The following TENM1 variants were observed in gnomAD, a reference collection of about 807,000 sequenced individuals.
TENM1 encodes the protein teneurin-1.
TENM1 carries 35 observed loss-of-function variants against 174.8 expected under a neutral mutation model. That is an observed-to-expected ratio of 0.20 (90% CI 0.15 to 0.27). TENM1 has a LOEUF of 0.27. TENM1 is among the 10% of genes least tolerant of loss of function. The pLI, the probability that TENM1 is intolerant of heterozygous loss-of-function variation, is 1.00. For missense variants in TENM1, 1,633 were observed against 2,130.1 expected, an observed-to-expected ratio of 0.77 and a Z score of 4.59; for synonymous variants, 781 against 798.7, an observed-to-expected ratio of 0.98 and a Z score of 0.37.
intron 1 of TENM1, among the ~76,000 whole-genome samples, chrX:124,899,080 T>A (rs1490124239): frequency 8.9e-6 from 1 of 111,764 alleles, no homozygotes; most frequent in African/African-American, 3.3e-5. Context: ...ATGTCACCAT[T>A]GTAAAATATT....
chrX:124,809,879 A>AGAGAGAGAGAG (rs397763324), intron 3 of TENM1, among the ~76,000 whole-genome samples: 18 of 105,528 alleles, frequency 1.7e-4, no homozygotes, highest in African/African-American at 2.1e-4. Context: ...AGAGAGAGAG[A>AGAGAGAGAGAG]AGCAGGAAGC....
At chrX:124,815,781 T>C (rs2055882840) in intron 3 of TENM1, among the ~76,000 whole-genome samples, 1 of 111,343 alleles carries the variant, frequency 9.0e-6, no homozygotes, top group Non-Finnish European at 1.9e-5. Context: ...AACAGAATTA[T>C]TGAATGAAAC....
At chrX:124,849,927 A>C (rs1297346315) in intron 3 of TENM1, among the ~76,000 whole-genome samples, 1 of 111,595 alleles carries the variant, frequency 9.0e-6, no homozygotes, top group African/African-American at 3.3e-5. Flanking sequence ...GAACTCTATA[A>C]ATCACTTTCT....
At chrX:125,165,029 G>A in the TENM1 span, among the ~76,000 whole-genome samples, 1 of 111,985 alleles carries the variant, frequency 8.9e-6, no homozygotes, top group Non-Finnish European at 1.9e-5. Context: ...ATAAAAAGCT[G>A]TCAGTGACAC....
intron 18 of TENM1, among the ~76,000 whole-genome samples, chrX:124,508,920 C>T (rs1280383341): frequency 5.4e-5 from 6 of 111,575 alleles, no homozygotes; most frequent in East Asian, 2.8e-4. Context: ...TTTCTTTGTT[C>T]GGTCATTCAA....
At chrX:125,093,963 T>A in the TENM1 span, among the ~76,000 whole-genome samples, 1 of 112,089 alleles carries the variant, frequency 8.9e-6, no homozygotes, top group Non-Finnish European at 1.9e-5. Context: ...GCACTCATTG[T>A]GAAGCACCTT....
intron 4 of TENM1, among the ~76,000 whole-genome samples, chrX:124,735,331 CAACA>C (rs1363898594): frequency 1.8e-5 from 2 of 111,733 alleles, no homozygotes; most frequent in Admixed American, 1.9e-4. Flanking sequence ...TATAAGTGGT[CAACA>C]AACAGATGAA....
chrX:125,171,367 C>A, the TENM1 span, among the ~76,000 whole-genome samples: 1 of 110,528 alleles, frequency 9.0e-6, no homozygotes, highest in East Asian at 2.8e-4. Flanking sequence ...AAGTATTTTT[C>A]ATTGTAATAT....
chrX:125,135,117 G>GA, the TENM1 span, among the ~76,000 whole-genome samples: 1 of 111,412 alleles, frequency 9.0e-6, no homozygotes, highest in East Asian at 2.8e-4. Context: ...AAAGATCAAG[G>GA]AAAAAAATGG....
At chrX:124,711,670 T>TA (rs977718648) in intron 4 of TENM1, among the ~76,000 whole-genome samples, 6 of 111,703 alleles carry the variant, frequency 5.4e-5, no homozygotes, top group African/African-American at 1.9e-4. Context: ...GGTATTTTTT[T>TA]AAAAAAACAA....
intron 3 of TENM1, among the ~76,000 whole-genome samples, chrX:124,821,885 T>C (rs2056045503): frequency 8.9e-6 from 1 of 112,289 alleles, no homozygotes; most frequent in African/African-American, 3.2e-5. Flanking sequence ...GAAAATTCAC[T>C]GTTTGGGGAG....
At chrX:124,868,132 C>T (rs2057041419) in intron 3 of TENM1, among the ~76,000 whole-genome samples, 1 of 111,644 alleles carries the variant, frequency 9.0e-6, no homozygotes, top group Admixed American at 9.5e-5. Flanking sequence ...AAAAAAAATC[C>T]TAAAATTTAT....
Position 124,594,884 on chromosome X carries a change from A to G in TENM1, c.2078-29324T>C, listed in dbSNP as rs148285296. On this transcript the variant is annotated intron_variant, in intron 11 of 31. Coordinates refer to ENST00000422452, the Ensembl canonical transcript of TENM1. ...ATAGAATCACTGGTTTGAAAGGCCTAGAATGTCAGGATAGTTAATTCTTTT... is the reference window on the plus strand; with the variant it reads ...ATAGAATCACTGGTTTGAAAGGCCTGGAATGTCAGGATAGTTAATTCTTTT... 1.3e-4 allele frequency among the ~76,000 whole-genome samples: 15 copies of G among 112,282 alleles called. No individual in the cohort carries two copies. The East Asian group carries it at 3.9e-3, about 29-fold the overall frequency.
intron 3 of TENM1, among the ~76,000 whole-genome samples, chrX:124,752,282 A>T (rs2054094355): frequency 8.9e-6 from 1 of 111,861 alleles, no homozygotes; most frequent in African/African-American, 3.3e-5. Context: ...TGGCTGCATA[A>T]ATGTCTTCTT....
At chrX:125,198,688 C>T in the TENM1 span, among the ~76,000 whole-genome samples, 1 of 111,284 alleles carries the variant, frequency 9.0e-6, no homozygotes, top group African/African-American at 3.3e-5. Flanking sequence ...AACAGGCTGG[C>T]ATGAAATTAA....
intron 3 of TENM1, among the ~76,000 whole-genome samples, chrX:124,796,924 A>G (rs1385158127): frequency 8.9e-6 from 1 of 111,892 alleles, no homozygotes; most frequent in Non-Finnish European, 1.9e-5. Flanking sequence ...GAGTATTTCT[A>G]GATTTCTACT....
chrX:124,474,085 C>T (rs1473767662), intron 22 of TENM1, among the ~76,000 whole-genome samples: 1 of 111,364 alleles, frequency 9.0e-6, no homozygotes, highest in East Asian at 2.8e-4. Flanking sequence ...GATTGACCTA[C>T]AAGGACATAA....
the TENM1 span, among the ~76,000 whole-genome samples, chrX:125,132,046 C>T: frequency 3.6e-3 from 407 of 112,150 alleles, 3 homozygotes; most frequent in African/African-American, 0.012. Context: ...CTTTAATGAT[C>T]GATTATTCCC....
chrX:124,886,761 A>G (rs1434498153), intron 3 of TENM1, among the ~76,000 whole-genome samples: 4 of 97,764 alleles, frequency 4.1e-5, no homozygotes, highest in African/African-American at 1.5e-4. Context: ...CCCTTAATAT[A>G]GGAAGTACTC....
Sources: gnomAD v4.1 joint callset for allele counts (sites outside exome capture counted in the v4.1 genomes callset) on GRCh38, gnomAD v4.1.1 for gene constraint, MANE v1.5 for transcripts, NCBI Gene and HGNC (gene_info 2026-07-23, HGNC 2026-07-21) for gene names.